SWT1: variants seen among roughly 807,000 people sequenced by gnomAD.
The protein encoded by SWT1 is transcriptional protein SWT1.
A neutral mutation model predicts 107.3 loss-of-function variants in SWT1; 33 were observed. The observed-to-expected ratio is 0.31, with a 90% confidence interval of 0.23 to 0.41. The LOEUF (loss-of-function observed/expected upper bound fraction) is 0.41, where lower values mean the gene tolerates loss of function less well. SWT1 is among the 10% of genes least tolerant of loss of function. The pLI is 1.00. For missense variants in SWT1, 898 were observed against 1,028.9 expected, an observed-to-expected ratio of 0.87 and a Z score of 1.74; for synonymous variants, 345 against 348.3, an observed-to-expected ratio of 0.99 and a Z score of 0.11.
At chr1:185,243,396 C>T (rs976034886) in intron 16 of SWT1, among the ~76,000 whole-genome samples, 3 of 152,100 alleles carry the variant, frequency 2.0e-5, no homozygotes, top group African/African-American at 7.2e-5. Flanking sequence ...AGGTGTGAGC[C>T]ACCACATCTG....
At chr1:185,277,677 A>G (rs538808482) in intron 18 of SWT1, among the ~76,000 whole-genome samples, 2 of 152,298 alleles carry the variant, frequency 1.3e-5, no homozygotes, top group South Asian at 2.1e-4. Flanking sequence ...TGGTCCCCAG[A>G]CCATGTTTTC....
intron 14 of SWT1, among the ~76,000 whole-genome samples, chr1:185,217,583 C>T (rs1340907250): frequency 6.6e-6 from 1 of 151,610 alleles, no homozygotes; most frequent in Non-Finnish European, 1.5e-5. Flanking sequence ...TTCCCTCCCT[C>T]CCTCTTTCCC....
intron 10 of SWT1, among the ~76,000 whole-genome samples, chr1:185,196,885 A>C (rs1423352852): frequency 6.6e-6 from 1 of 152,116 alleles, no homozygotes; most frequent in East Asian, 1.9e-4. Flanking sequence ...ATATGCAATC[A>C]TGTCATCTGC....
intron 15 of SWT1, among the ~76,000 whole-genome samples, chr1:185,229,962 A>G (rs1213346868): frequency 3.9e-5 from 6 of 152,128 alleles, no homozygotes; most frequent in Non-Finnish European, 8.8e-5. Flanking sequence ...CGCTCAATGG[A>G]TTCAGTTTCC....
Position 185,174,818 on chromosome 1 carries a change from C to A in SWT1, c.671C>A (p.Pro224His). 2 of 1,613,612 alleles carry A rather than the reference C, an allele frequency of 1.2e-6. No individual in the cohort carries two copies. The highest frequency in any genetic ancestry group is 8.5e-7 in the Non-Finnish European group (1 of 1,179,880). ...AACTCCAACAAGATAATTAAGGAAC[C>A]CTTGGGATCTAGAAGACAGAAGATC... ...DYNSNKIIKE[P>H]LGSRRQKISF... Residue 224 changes from proline (P) to histidine (H), a missense_variant, in exon 5 of 19, where the codon CCC (proline) becomes CAC (histidine). Physicochemically the swap from Pro to His is moderately conservative, Grantham distance 77. This residue lies in a region of SWT1 where 382 missense variants were observed against 362.4 expected (regional missense o/e 1.05). Transcript: ENST00000367500.
chr1:185,197,578 G>A (rs772415372), intron 10 of SWT1, among the ~76,000 whole-genome samples: 5 of 152,108 alleles, frequency 3.3e-5, no homozygotes, highest in South Asian at 2.1e-4. Context: ...CTGTGAATCC[G>A]TCTGGTCCTG....
At chr1:185,201,707 C>T (rs936145273) in intron 10 of SWT1, among the ~76,000 whole-genome samples, 22 of 152,140 alleles carry the variant, frequency 1.4e-4, no homozygotes, top group African/African-American at 5.1e-4. Flanking sequence ...GCCATCTTGC[C>T]AGCTGCCAAC....
intron 18 of SWT1, among the ~76,000 whole-genome samples, chr1:185,277,248 C>CTTTA (rs150752553): frequency 2.0e-5 from 3 of 151,702 alleles, no homozygotes; most frequent in Non-Finnish European, 4.4e-5. Flanking sequence ...ACATCTTAGT[C>CTTTA]TTTATTTATT....
At chr1:185,256,787 AG>A (rs1662569407) in intron 16 of SWT1, among the ~76,000 whole-genome samples, 1 of 152,148 alleles carries the variant, frequency 6.6e-6, no homozygotes, top group African/African-American at 2.4e-5. Flanking sequence ...AGCTCGTCAA[AG>A]TCATTCTCCA....
At chr1:185,288,858 T>A (rs963850301) in intron 18 of SWT1, among the ~76,000 whole-genome samples, 1 of 152,176 alleles carries the variant, frequency 6.6e-6, no homozygotes, top group Admixed American at 6.5e-5. Flanking sequence ...CAATTTGTAG[T>A]CTCATGTTAG....
chr1:185,261,555 T>C (rs530978202), intron 16 of SWT1, among the ~76,000 whole-genome samples: 7 of 152,302 alleles, frequency 4.6e-5, no homozygotes, highest in African/African-American at 1.7e-4. Flanking sequence ...CTATTTTTAA[T>C]ATTGTCAGGA....
intron 17 of SWT1, among the ~76,000 whole-genome samples, chr1:185,274,338 T>TATATATA (rs2102744849): frequency 6.7e-6 from 1 of 148,804 alleles, no homozygotes; most frequent in South Asian, 2.1e-4. Context: ...AGATGTCAGA[T>TATATATA]ATATATATAT....
At chr1:185,212,251 A>G (rs1355956482) in intron 13 of SWT1, among the ~76,000 whole-genome samples, 1 of 152,196 alleles carries the variant, frequency 6.6e-6, no homozygotes, top group East Asian at 1.9e-4. Flanking sequence ...CTCTTTTCAT[A>G]TCTTTTACCT....
chr1:185,174,319 T>G, intron 4 of SWT1, 53 bp from the exon 5 acceptor site: 1 of 1,397,250 alleles, frequency 7.2e-7, no homozygotes, highest in Non-Finnish European at 9.5e-7. Flanking sequence ...AATGATAGAG[T>G]GCAACATTAT....
intron 9 of SWT1, among the ~76,000 whole-genome samples, chr1:185,189,444 T>C (rs1656758576): frequency 6.6e-6 from 1 of 152,176 alleles, no homozygotes; most frequent in South Asian, 2.1e-4. Context: ...TCTAATTGCA[T>C]TGCTTTAGAG....
At chr1:185,237,240 A>G (rs529003990) in intron 16 of SWT1, among the ~76,000 whole-genome samples, 35 of 152,294 alleles carry the variant, frequency 2.3e-4, no homozygotes, top group African/African-American at 8.2e-4. Context: ...CACTATAAAA[A>G]CACATGCACA....
chr1:185,244,022 C>A (rs919530329), intron 16 of SWT1, among the ~76,000 whole-genome samples: 3 of 151,984 alleles, frequency 2.0e-5, no homozygotes, highest in Non-Finnish European at 4.4e-5. Flanking sequence ...GACTTTCATC[C>A]ATTTACCCAT....
intron 14 of SWT1, among the ~76,000 whole-genome samples, chr1:185,215,653 G>A (rs970245263): frequency 2.0e-5 from 3 of 151,906 alleles, no homozygotes; most frequent in Non-Finnish European, 2.9e-5. Flanking sequence ...ATTCTTCCAC[G>A]TCAGCCCCCC....
At chr1:185,289,602 C>T (rs899835428) in intron 18 of SWT1, among the ~76,000 whole-genome samples, 1 of 152,154 alleles carries the variant, frequency 6.6e-6, no homozygotes, top group Non-Finnish European at 1.5e-5. Context: ...GATACAGAAT[C>T]AACCTAAATG....
Sources: gnomAD v4.1 joint callset for allele counts (sites outside exome capture counted in the v4.1 genomes callset) on GRCh38, gnomAD v4.1.1 for gene constraint, gnomAD v4.1.1 regional missense constraint, MANE v1.5 for transcripts, NCBI Gene and HGNC (gene_info 2026-07-23, HGNC 2026-07-21) for gene names.